Variants in SORCS2 observed in about 807,000 individuals in gnomAD.
SORCS2 encodes the protein VPS10 domain-containing receptor SorCS2.
A neutral mutation model predicts 141.6 loss-of-function variants in SORCS2; 100 were observed. The observed-to-expected ratio is 0.71, with a 90% confidence interval of 0.60 to 0.83. The LOEUF is 0.83. Ranked by LOEUF, SORCS2 falls within the 40% of genes least tolerant of loss-of-function variation. The pLI is 0.00. For missense variants in SORCS2, 1,646 were observed against 1,560.2 expected (o/e 1.05, Z -0.93); for synonymous variants, 789 against 676.9 (o/e 1.17, Z -2.57).
intron 1 of SORCS2, among the ~76,000 whole-genome samples, chr4:7,200,834 T>C (rs1727446342): frequency 1.3e-5 from 2 of 152,218 alleles, no homozygotes; most frequent in South Asian, 4.1e-4. Context: ...GATGGGGGCC[T>C]GGCCAGCAGA....
chr4:7,535,815 A>AC (rs1712073794), intron 3 of SORCS2, among the ~76,000 whole-genome samples: 1 of 137,804 alleles, frequency 7.3e-6, no homozygotes, highest in Admixed American at 6.9e-5. Flanking sequence ...TGTGCCAGGC[A>AC]TGGGGGGCAT....
At chr4:7,229,006 C>T (rs546671287) in intron 1 of SORCS2, among the ~76,000 whole-genome samples, 175 of 152,334 alleles carry the variant, frequency 1.1e-3, no homozygotes, top group Admixed American at 3.5e-3. Flanking sequence ...TGAGGCCTGC[C>T]GCGCCTTGCT....
chr4:7,670,681 A>G (rs1008564023), intron 8 of SORCS2, among the ~76,000 whole-genome samples: 28 of 152,178 alleles, frequency 1.8e-4, no homozygotes, highest in African/African-American at 5.3e-4. Context: ...CAAGGCATGG[A>G]TGGCATATCA....
intron 3 of SORCS2, among the ~76,000 whole-genome samples, chr4:7,619,541 C>T (rs989359591): frequency 6.6e-6 from 1 of 152,212 alleles, no homozygotes; most frequent in Non-Finnish European, 1.5e-5. Context: ...GGGTCTTCTG[C>T]CCTGGAATTG....
intron 1 of SORCS2, among the ~76,000 whole-genome samples, chr4:7,384,580 C>T (rs1723178231): frequency 6.6e-6 from 1 of 152,328 alleles, no homozygotes; most frequent in Non-Finnish European, 1.5e-5. Context: ...TAAGGCAAAC[C>T]ACCCGTGTCC....
chr4:7,351,882 C>T (rs986399769), intron 1 of SORCS2, among the ~76,000 whole-genome samples: 6 of 152,114 alleles, frequency 3.9e-5, no homozygotes. Flanking sequence ...TCCATTCACC[C>T]ACTTGTCCAC....
At chr4:7,471,841 G>A (rs1443858673) in intron 2 of SORCS2, among the ~76,000 whole-genome samples, 1 of 152,244 alleles carries the variant, frequency 6.6e-6, no homozygotes, top group African/African-American at 2.4e-5. Flanking sequence ...GTCACCCACA[G>A]TGGGGCAGCC....
intron 2 of SORCS2, among the ~76,000 whole-genome samples, chr4:7,422,170 C>G (rs955862009): frequency 2.6e-5 from 4 of 152,216 alleles, no homozygotes; most frequent in Admixed American, 6.5e-5. Context: ...TTCAGCATGT[C>G]AGAACCTGTG....
intron 4 of SORCS2, among the ~76,000 whole-genome samples, chr4:7,647,053 GA>G (rs1721129317): frequency 6.6e-6 from 1 of 152,202 alleles, no homozygotes; most frequent in Non-Finnish European, 1.5e-5. Context: ...GTGGAGCTGG[GA>G]ATGACGCTGT....
chr4:7,517,281 C>T (rs1278634455), intron 2 of SORCS2, among the ~76,000 whole-genome samples: 1 of 152,206 alleles, frequency 6.6e-6, no homozygotes, highest in East Asian at 1.9e-4. Flanking sequence ...CGGGTTTCCA[C>T]AATCGCACGA....
At chr4:7,297,588 G>C (rs558107702) in intron 1 of SORCS2, among the ~76,000 whole-genome samples, 1 of 152,332 alleles carries the variant, frequency 6.6e-6, no homozygotes, top group East Asian at 1.9e-4. Flanking sequence ...GTGACTGTAA[G>C]CTCCCTTCCT....
At chr4:7,416,747 CTT>C (rs1577525449) in intron 2 of SORCS2, among the ~76,000 whole-genome samples, 1 of 151,598 alleles carries the variant, frequency 6.6e-6, no homozygotes, top group African/African-American at 2.4e-5. Flanking sequence ...TGCACACACA[CTT>C]GTGCGCACAC....
chr4:7,360,804 C>G (rs542811517), intron 1 of SORCS2, among the ~76,000 whole-genome samples: 1 of 151,664 alleles, frequency 6.6e-6, no homozygotes, highest in Non-Finnish European at 1.5e-5. Flanking sequence ...AGCCTGGTCT[C>G]GAACTCCTGA....
intron 1 of SORCS2, among the ~76,000 whole-genome samples, chr4:7,394,710 G>A (rs1455706901): frequency 6.6e-6 from 1 of 152,064 alleles, no homozygotes; most frequent in African/African-American, 2.4e-5. Context: ...CAGGAGTGAC[G>A]GGGATGTGAA....
At chr4:7,472,682 G>A (rs1035618268) in intron 2 of SORCS2, among the ~76,000 whole-genome samples, 3 of 152,140 alleles carry the variant, frequency 2.0e-5, no homozygotes, top group East Asian at 1.9e-4. Flanking sequence ...AGTGGGAGGC[G>A]GCAAGGGGAT....
intron 1 of SORCS2, among the ~76,000 whole-genome samples, chr4:7,291,000 A>G (rs1716562944): frequency 6.6e-6 from 1 of 152,268 alleles, no homozygotes; most frequent in African/African-American, 2.4e-5. Context: ...TCCTGGGACC[A>G]TGTTTTACCC....
intron 3 of SORCS2, among the ~76,000 whole-genome samples, chr4:7,605,141 C>G (rs1231422933): frequency 6.6e-6 from 1 of 152,190 alleles, no homozygotes; most frequent in Non-Finnish European, 1.5e-5. Context: ...ATACCTCACT[C>G]TGCCTGGCTT....
At chr4:7,693,341 G>A (rs926766989) in intron 11 of SORCS2, among the ~76,000 whole-genome samples, 38 of 152,314 alleles carry the variant, frequency 2.5e-4, no homozygotes, top group African/African-American at 7.7e-4. Flanking sequence ...GACCCTGCAC[G>A]GCCTGTGGCC....
At chr4:7,325,596 CTA>C (rs1196791571) in intron 1 of SORCS2, among the ~76,000 whole-genome samples, 2 of 152,192 alleles carry the variant, frequency 1.3e-5, no homozygotes, top group African/African-American at 4.8e-5. Flanking sequence ...GGTTTTAACT[CTA>C]TGGATCTGGA....
Sources: allele counts gnomAD v4.1 joint callset (sites outside exome capture counted in the v4.1 genomes callset), GRCh38; gene constraint gnomAD v4.1.1; transcripts MANE v1.5; gene names NCBI Gene and HGNC (gene_info 2026-07-23, HGNC 2026-07-21).